Variants in NFILZ observed in about 807,000 individuals in gnomAD.
The protein encoded by NFILZ is NFIL3 like protein.
intron 3 of NFILZ, among the ~76,000 whole-genome samples, chr19:8,673,934 G>C (rs1351560058): frequency 6.6e-6 from 1 of 152,116 alleles, no homozygotes; most frequent in East Asian, 1.9e-4. Context: ...TCCGCCTCCC[G>C]GGTTCAAGTG....
intron 3 of NFILZ, among the ~76,000 whole-genome samples, chr19:8,663,750 G>GTATGTGTGTGTGTGTGTGTGTA (rs1403759520): frequency 7.3e-6 from 1 of 136,968 alleles, no homozygotes; most frequent in African/African-American, 2.7e-5. Flanking sequence ...GTGTGTGTGT[G>GTATGTGTGTGTGTGTGTGTGTA]TGTGTGTGTG....
chr19:8,638,849 T>G (rs1209189137), intron 3 of NFILZ, among the ~76,000 whole-genome samples: 1 of 150,586 alleles, frequency 6.6e-6, no homozygotes, highest in African/African-American at 2.4e-5. Context: ...TTGCTGTTTT[T>G]TTTTTTTTTT....
intron 3 of NFILZ, among the ~76,000 whole-genome samples, chr19:8,672,867 G>A (rs2043094839): frequency 6.6e-6 from 1 of 152,140 alleles, no homozygotes; most frequent in Non-Finnish European, 1.5e-5. Flanking sequence ...AGGAGTCTAA[G>A]ATGCTTATAC....
Position 8,666,121 on chromosome 19 carries a change from C to T in NFILZ, c.-163-8430C>T, listed in dbSNP as rs550016170. Among the ~76,000 whole-genome samples the T allele has an allele frequency of 7.2e-5, 11 of 151,922 alleles. No homozygotes were observed. In the South Asian group the frequency reaches 1.9e-3, roughly 26 times the overall value. On this transcript the variant is annotated intron_variant, in intron 3 of 5. Coordinates refer to ENST00000691075, the MANE Select transcript of NFILZ (RefSeq NM_001378600.1). ...CTTCTGGTAACTGTAGCTTCATCTT[C>T]ATCTGGGGTGTCTTTGGGCTCAAAA...
rs1283906525 is a variant in NFILZ, at chr19:8,680,429, A to G, written c.*2794A>G. On this transcript the variant is annotated 3_prime_UTR_variant, in exon 6 of 6. Coordinates refer to ENST00000691075, the MANE Select transcript of NFILZ (RefSeq NM_001378600.1). ...TTTTGTTGTAAAAAGTCTGAAAATC[A>G]TATGCAGCCGAGTTGGCAGTCTTTT... Among the ~76,000 whole-genome samples, 2 of 152,114 alleles carry G rather than the reference A, an allele frequency of 1.3e-5. No individual in the cohort carries two copies. The highest frequency in any genetic ancestry group is 2.9e-5 in the Non-Finnish European group (2 of 68,028).
In NFILZ at chr19:8,677,797, A is replaced by T. The variant is rs2043118065; in HGVS notation, c.*162A>T. Among the ~76,000 whole-genome samples, 1 of 152,074 alleles carries T rather than the reference A, an allele frequency of 6.6e-6. No homozygotes were observed. ...AGGTCCACTTCACAGCTTCCATACC[A>T]GACCTCCTAGGGGTGGAGTGGATGG... On this transcript the variant is annotated 3_prime_UTR_variant, in exon 6 of 6. Coordinates refer to ENST00000691075, the MANE Select transcript of NFILZ (RefSeq NM_001378600.1).
intron 3 of NFILZ, among the ~76,000 whole-genome samples, chr19:8,637,384 C>T (rs1014516472): frequency 2.6e-5 from 4 of 151,922 alleles, no homozygotes; most frequent in African/African-American, 9.7e-5. Flanking sequence ...TACCATAGAA[C>T]TCAGCAACTC....
At chr19:8,636,934 TG>T in intron 3 of NFILZ, among the ~76,000 whole-genome samples, 1 of 152,186 alleles carries the variant, frequency 6.6e-6, no homozygotes, top group South Asian at 2.1e-4. Flanking sequence ...ACTGGTCCCC[TG>T]GATACTGGAG....
At chr19:8,644,609 T>C (rs1416491818) in intron 3 of NFILZ, among the ~76,000 whole-genome samples, 3 of 151,436 alleles carry the variant, frequency 2.0e-5, no homozygotes, top group Non-Finnish European at 4.4e-5. Flanking sequence ...CACAAGTGTA[T>C]GCTACCATGC....
intron 1 of NFILZ, among the ~76,000 whole-genome samples, chr19:8,631,269 A>T (rs2042868155): frequency 6.6e-6 from 1 of 152,052 alleles, no homozygotes; most frequent in Admixed American, 6.6e-5. Context: ...GGACCCGGGC[A>T]CTGAGAACAA....
chr19:8,680,233 G>A lies in NFILZ; in HGVS notation c.*2598G>A, dbSNP rs2043139817. On this transcript the variant is annotated 3_prime_UTR_variant, in exon 6 of 6. Coordinates refer to ENST00000691075, the MANE Select transcript of NFILZ (RefSeq NM_001378600.1). ...AAAAAAAGGAAAAAGAAAAAATCCT[G>A]TTTCCCTTTTTGCTTTGCCCACCAA... Among the ~76,000 whole-genome samples the A allele has an allele frequency of 6.7e-6, 1 of 148,720 alleles. No individual in the cohort carries two copies. Among genetic ancestry groups the A allele is most frequent in the Admixed American group, 6.7e-5 (1 of 14,898 alleles).
At chr19:8,669,702 C>T (rs1282769754) in intron 3 of NFILZ, among the ~76,000 whole-genome samples, 1 of 152,164 alleles carries the variant, frequency 6.6e-6, no homozygotes, top group East Asian at 1.9e-4. Context: ...TACTGGATCC[C>T]ATTGTACCTG....
intron 3 of NFILZ, among the ~76,000 whole-genome samples, chr19:8,648,375 C>T (rs2042951596): frequency 6.6e-6 from 1 of 151,998 alleles, no homozygotes; most frequent in South Asian, 2.1e-4. Context: ...AATGGGTATG[C>T]TGTTTTGGTT....
At chr19:8,637,175 C>A (rs1267644999) in intron 3 of NFILZ, among the ~76,000 whole-genome samples, 2 of 152,020 alleles carry the variant, frequency 1.3e-5, no homozygotes, top group African/African-American at 2.4e-5. Context: ...TTCGAGGCTG[C>A]AGTGAGCTAG....
intron 3 of NFILZ, among the ~76,000 whole-genome samples, chr19:8,659,269 A>G (rs909019894): frequency 6.6e-6 from 1 of 152,062 alleles, no homozygotes; most frequent in Non-Finnish European, 1.5e-5. Flanking sequence ...ATTTTTTTTT[A>G]AAAAGAAAGA....
intron 4 of NFILZ, among the ~76,000 whole-genome samples, chr19:8,675,296 T>C (rs577558156): frequency 6.6e-6 from 1 of 152,298 alleles, no homozygotes; most frequent in African/African-American, 2.4e-5. Flanking sequence ...TCCACCTGTT[T>C]TGTATCTGAA....
chr19:8,672,989 C>T (rs1223011015), intron 3 of NFILZ, among the ~76,000 whole-genome samples: 2 of 151,868 alleles, frequency 1.3e-5, no homozygotes, highest in Admixed American at 6.6e-5. Context: ...CTGGTGGGGG[C>T]CCAGGTGGGA....
chr19:8,647,585 C>T (rs1266814722), intron 3 of NFILZ, among the ~76,000 whole-genome samples: 3 of 148,332 alleles, frequency 2.0e-5, no homozygotes, highest in East Asian at 2.4e-4. Context: ...CACCCCCCCC[C>T]CCAAAAAAAG....
At chr19:8,663,744 G>GTGTGTGTA (rs1555749452) in intron 3 of NFILZ, among the ~76,000 whole-genome samples, 9 of 121,854 alleles carry the variant, frequency 7.4e-5, no homozygotes, top group East Asian at 2.6e-3. Flanking sequence ...GTGTGTGTGT[G>GTGTGTGTA]TGTGTGTGTG....
Sources: gnomAD v4.1 joint callset for allele counts (sites outside exome capture counted in the v4.1 genomes callset) on GRCh38, gnomAD v4.1.1 for gene constraint, MANE v1.5 for transcripts, NCBI Gene and HGNC (gene_info 2026-07-23, HGNC 2026-07-21) for gene names.